The following TMEM108 variants were observed in gnomAD, a reference collection of about 807,000 sequenced individuals.
TMEM108 encodes cancer/testis antigen 124.
TMEM108 carries 12 observed loss-of-function variants against 35.1 expected under a neutral mutation model. The ratio of observed to expected loss-of-function variants is 0.34; its 90% CI spans 0.22 to 0.55. The LOEUF is 0.55. Ranked by LOEUF, TMEM108 falls within the 20% of genes least tolerant of loss-of-function variation. TMEM108 has a pLI of 0.89. For missense variants in TMEM108, 680 were observed against 753.3 expected, an observed-to-expected ratio of 0.90 and a Z score of 1.14; for synonymous variants, 287 against 308.6, an observed-to-expected ratio of 0.93 and a Z score of 0.73.
chr3:133,043,960 C>T (rs1943305495), intron 1 of TMEM108, among the ~76,000 whole-genome samples: 1 of 152,128 alleles, frequency 6.6e-6, no homozygotes, highest in African/African-American at 2.4e-5. Flanking sequence ...TTAAAACATG[C>T]AAAATTTTTG....
chr3:133,199,963 A>G (rs946586872), intron 2 of TMEM108, among the ~76,000 whole-genome samples: 4 of 152,096 alleles, frequency 2.6e-5, no homozygotes, highest in Non-Finnish European at 4.4e-5. Context: ...AGCCTCAGCA[A>G]TGGCAGGCAC....
intron 2 of TMEM108, among the ~76,000 whole-genome samples, chr3:133,049,611 A>G (rs1943380118): frequency 6.6e-6 from 1 of 152,176 alleles, no homozygotes; most frequent in Non-Finnish European, 1.5e-5. Flanking sequence ...TTGCTCTGGT[A>G]TCTGTCTGCT....
chr3:133,071,936 T>G (rs74383392), intron 2 of TMEM108, among the ~76,000 whole-genome samples: 4,199 of 152,268 alleles, frequency 0.028, 102 homozygotes, highest in South Asian at 0.061. Context: ...TACATTTTCT[T>G]CTGGGATAGT....
chr3:133,295,081 G>T (rs1947124074), intron 3 of TMEM108, among the ~76,000 whole-genome samples: 1 of 152,124 alleles, frequency 6.6e-6, no homozygotes, highest in Non-Finnish European at 1.5e-5. Flanking sequence ...GTAAAATGAT[G>T]AATTTAAATA....
chr3:133,319,727 C>T (rs950876214), intron 3 of TMEM108, among the ~76,000 whole-genome samples: 1 of 152,128 alleles, frequency 6.6e-6, no homozygotes, highest in Non-Finnish European at 1.5e-5. Flanking sequence ...TTCCCTAGCG[C>T]CAACCCAGAG....
At chr3:133,129,686 A>G (rs904845497) in intron 2 of TMEM108, among the ~76,000 whole-genome samples, 2 of 152,142 alleles carry the variant, frequency 1.3e-5, no homozygotes, top group African/African-American at 4.8e-5. Context: ...TTGATTGTCT[A>G]TTATATACCA....
intron 2 of TMEM108, among the ~76,000 whole-genome samples, chr3:133,163,681 T>C (rs1192935406): frequency 6.6e-6 from 1 of 152,144 alleles, no homozygotes; most frequent in Non-Finnish European, 1.5e-5. Flanking sequence ...GCTGCAGCCT[T>C]GAAGACTATG....
chr3:133,169,907 C>T (rs764311946), intron 2 of TMEM108, among the ~76,000 whole-genome samples: 6 of 152,100 alleles, frequency 3.9e-5, no homozygotes, highest in Non-Finnish European at 8.8e-5. Flanking sequence ...TAACAACAGA[C>T]GATCTCAGCG....
At chr3:133,118,870 C>T (rs543295745) in intron 2 of TMEM108, among the ~76,000 whole-genome samples, 1 of 152,208 alleles carries the variant, frequency 6.6e-6, no homozygotes, top group South Asian at 2.1e-4. Flanking sequence ...GGGGACATCA[C>T]CACAGACCAA....
intron 2 of TMEM108, among the ~76,000 whole-genome samples, chr3:133,174,941 G>A (rs1002879739): frequency 2.0e-5 from 3 of 152,026 alleles, no homozygotes; most frequent in Non-Finnish European, 2.9e-5. Flanking sequence ...AAAATTAGAC[G>A]AATGGATAAC....
At chr3:133,139,713 T>C (rs1253507223) in intron 2 of TMEM108, among the ~76,000 whole-genome samples, 2 of 152,340 alleles carry the variant, frequency 1.3e-5, no homozygotes, top group Non-Finnish European at 1.5e-5. Flanking sequence ...GATTTTCTTA[T>C]TAAATTTCTG....
intron 3 of TMEM108, among the ~76,000 whole-genome samples, chr3:133,352,921 C>T (rs945797432): frequency 2.0e-5 from 3 of 152,116 alleles, no homozygotes; most frequent in Non-Finnish European, 2.9e-5. Context: ...TCAGGGGTTC[C>T]GGCTGAAAGT....
At chr3:133,244,743 C>T (rs140873243) in intron 3 of TMEM108, among the ~76,000 whole-genome samples, 100 of 152,274 alleles carry the variant, frequency 6.6e-4, no homozygotes, top group African/African-American at 2.3e-3. Flanking sequence ...ACTTCGAAAA[C>T]GTAAAGTTCT....
chr3:133,292,166 TG>T (rs1451648032), intron 3 of TMEM108, among the ~76,000 whole-genome samples: 1 of 105,584 alleles, frequency 9.5e-6, no homozygotes, highest in African/African-American at 2.9e-5. Flanking sequence ...AAGAAGAGAA[TG>T]TTTTTTTTAT....
At chr3:133,364,887 A>G (rs1399450566) in intron 3 of TMEM108, among the ~76,000 whole-genome samples, 1 of 152,148 alleles carries the variant, frequency 6.6e-6, no homozygotes, top group Admixed American at 6.5e-5. Context: ...CGGATCAGGC[A>G]GGGGGGGAAG....
intron 3 of TMEM108, among the ~76,000 whole-genome samples, chr3:133,370,877 T>A (rs2072643262): frequency 1.6e-5 from 1 of 63,822 alleles, no homozygotes; most frequent in Non-Finnish European, 3.6e-5. Flanking sequence ...CCATAGTGTG[T>A]GTGTGTGTGT....
At chr3:133,224,090 C>T (rs1407376875) in intron 2 of TMEM108, among the ~76,000 whole-genome samples, 1 of 152,192 alleles carries the variant, frequency 6.6e-6, no homozygotes, top group Non-Finnish European at 1.5e-5. Flanking sequence ...GGCTTATAAT[C>T]CCCTTGATCA....
intron 3 of TMEM108, among the ~76,000 whole-genome samples, chr3:133,290,163 A>G (rs1947042907): frequency 6.6e-6 from 1 of 152,194 alleles, no homozygotes; most frequent in Admixed American, 6.5e-5. Flanking sequence ...GGAAATGTGG[A>G]GGGCAGGGAG....
At chr3:133,078,166 C>T (rs534029139) in intron 2 of TMEM108, among the ~76,000 whole-genome samples, 835 of 25,120 alleles carry the variant, frequency 0.033, 3 homozygotes, top group African/African-American at 0.08. Flanking sequence ...TGTGCACGCG[C>T]GCGCGCGCAC....
Sources: gnomAD v4.1 joint callset for allele counts (sites outside exome capture counted in the v4.1 genomes callset) on GRCh38, gnomAD v4.1.1 for gene constraint, MANE v1.5 for transcripts, NCBI Gene and HGNC (gene_info 2026-07-23, HGNC 2026-07-21) for gene names.